Variants in APOBEC1 observed in about 807,000 individuals in gnomAD.
APOBEC1 encodes the protein apolipoprotein B mRNA editing enzyme catalytic subunit 1.
In APOBEC1, 22 loss-of-function variants were observed where a neutral mutation model predicts 26.3. The ratio of observed to expected loss-of-function variants is 0.84; its 90% CI spans 0.60 to 1.19. The LOEUF is 1.19. Among genes scored for constraint, APOBEC1 ranks in the 50% most tolerant of loss-of-function variants. APOBEC1 has a pLI of 0.00. For missense variants in APOBEC1, 253 were observed against 289.0 expected (o/e 0.88, Z 0.90); for synonymous variants, 77 against 95.3 (o/e 0.81, Z 1.12).
At chr12:7,669,016 G>C (rs1863924540), upstream of APOBEC1, among the ~76,000 whole-genome samples, 1 of 152,002 alleles carries the variant, frequency 6.6e-6, no homozygotes, top group Non-Finnish European at 1.5e-5. Context: ...ACAGGTGTGA[G>C]CCACCATGCC....
At chr12:7,665,447 G>A (rs895269568) in intron 1 of APOBEC1, among the ~76,000 whole-genome samples, 29 of 151,840 alleles carry the variant, frequency 1.9e-4, no homozygotes, top group African/African-American at 4.8e-4. Context: ...ACAGGCATGC[G>A]CCACCATGCC....
chr12:7,665,943 CA>C (rs1555095835), upstream of APOBEC1: 19 of 1,569,902 alleles, frequency 1.2e-5, no homozygotes, highest in Non-Finnish European at 1.7e-5. Flanking sequence ...TTTGTTGCTT[CA>C]GGTGTGCCCA....
chr12:7,661,711 G>T (rs763300486), intron 1 of APOBEC1, among the ~76,000 whole-genome samples: 20 of 152,272 alleles, frequency 1.3e-4, no homozygotes, highest in Admixed American at 1.0e-3. Context: ...CATTTACAGG[G>T]CAGTCCTGCT....
At position 7,650,998 on chromosome 12, in the gene APOBEC1, C is replaced by T; in HGVS notation, c.561+25G>A. Reference sequence around the variant, plus strand: ...AGAAGGATGCTTCTTTTTGCATCAACATTTGTGTCCCTAAAGTGACTTACT... The same window carrying T: ...AGAAGGATGCTTCTTTTTGCATCAATATTTGTGTCCCTAAAGTGACTTACT... On this transcript the variant is annotated intron_variant, in intron 4 of 4. Transcript: ENST00000229304. The T allele has an allele frequency of 2.0e-6, 3 of 1,516,094 alleles. No homozygotes were observed. In the South Asian group the frequency reaches 3.5e-5, roughly 18 times the overall value. The allele number at this position is 1,516,094 out of a possible 1,614,324, so 93.9% of individuals were successfully genotyped here. A position where few individuals can be genotyped will look rare whatever the true frequency, so the allele number is the denominator to read the frequency against.
At chr12:7,659,421 A>G (rs1326586076) in intron 1 of APOBEC1, among the ~76,000 whole-genome samples, 1 of 145,044 alleles carries the variant, frequency 6.9e-6, no homozygotes, top group Non-Finnish European at 1.5e-5. Flanking sequence ...AACCTGGAGT[A>G]CTTGTGACCA....
intron 1 of APOBEC1, among the ~76,000 whole-genome samples, chr12:7,659,542 A>G (rs1028276560): frequency 6.6e-6 from 1 of 151,558 alleles, no homozygotes; most frequent in Non-Finnish European, 1.5e-5. Context: ...GTGCACAGAC[A>G]CGCATGCAAA....
intron 1 of APOBEC1, among the ~76,000 whole-genome samples, chr12:7,662,998 C>T (rs140594412): frequency 5.9e-5 from 9 of 152,148 alleles, no homozygotes; most frequent in African/African-American, 2.2e-4. Context: ...TTTTAGAGAC[C>T]TGCGCCTCTC....
intron 1 of APOBEC1, among the ~76,000 whole-genome samples, chr12:7,661,677 C>T (rs1256001269): frequency 6.6e-6 from 1 of 152,182 alleles, no homozygotes; most frequent in Non-Finnish European, 1.5e-5. Flanking sequence ...CAGGCTCCAA[C>T]TGGAGCCAAG....
chr12:7,649,600 G>A lies in APOBEC1; in HGVS notation c.658C>T (p.Pro220Ser), dbSNP rs146544434. 18 of 1,614,048 alleles carry A rather than the reference G, an allele frequency of 1.1e-5. No homozygotes were observed. The highest frequency in any genetic ancestry group is 1.4e-5 in the Non-Finnish European group (17 of 1,180,032). Residue 220 changes from proline to serine, a missense_variant, in exon 5 of 5, where the codon CCA (proline) becomes TCA (serine). Pro to Ser is a moderately conservative substitution (Grantham distance 74). Coordinates refer to ENST00000229304, the MANE Select transcript of APOBEC1 (RefSeq NM_001644.5). ...LQNCHYQTIP[P>S]HILLATGLIH... Reference sequence around the variant, plus strand: ...AGCCCTGTAGCTAAAAGGATGTGTGGCGGAATCGTTTGGTAATGGCAGTTT... The same window carrying A: ...AGCCCTGTAGCTAAAAGGATGTGTGACGGAATCGTTTGGTAATGGCAGTTT...
chr12:7,665,748 G>T, intron 1 of APOBEC1, 109 bp downstream of exon 1: 1 of 983,464 alleles, frequency 1.0e-6, no homozygotes, highest in Non-Finnish European at 1.5e-6. Context: ...GCAAGAATCA[G>T]CAGGACACAC....
At chr12:7,661,332 A>G (rs1341269158) in intron 1 of APOBEC1, among the ~76,000 whole-genome samples, 2 of 152,100 alleles carry the variant, frequency 1.3e-5, no homozygotes, top group Non-Finnish European at 2.9e-5. Flanking sequence ...TCGGTAGCAG[A>G]GTCAATACAA....
At chr12:7,659,898 G>A (rs1863779095) in intron 1 of APOBEC1, among the ~76,000 whole-genome samples, 1 of 152,120 alleles carries the variant, frequency 6.6e-6, no homozygotes, top group Non-Finnish European at 1.5e-5. Context: ...GAACCTGGAA[G>A]GCAGAGCTTG....
chr12:7,652,881 G>T (rs1489259397), intron 2 of APOBEC1, 46 bp from the exon 3 acceptor site: 1 of 1,385,466 alleles, frequency 7.2e-7, no homozygotes, highest in Non-Finnish European at 9.4e-7. Context: ...CATTTAGAGA[G>T]ATCTTAGAAA....
intron 1 of APOBEC1, 53 bp downstream of exon 1, chr12:7,665,799 ACACAC>A (rs1565444085): frequency 4.4e-6 from 6 of 1,361,930 alleles, no homozygotes; most frequent in Non-Finnish European, 5.2e-6. Context: ...ACACACACAC[ACACAC>A]ACCATTCTTG....
At chr12:7,659,406 C>T (rs1475926302) in intron 1 of APOBEC1, among the ~76,000 whole-genome samples, 3 of 129,358 alleles carry the variant, frequency 2.3e-5, no homozygotes, top group Middle Eastern at 4.9e-3. Context: ...AAAGGAACTA[C>T]CGGCAACCTG....
intron 2 of APOBEC1, among the ~76,000 whole-genome samples, chr12:7,653,525 C>T (rs1208202724): frequency 7.8e-6 from 1 of 128,042 alleles, no homozygotes; most frequent in Non-Finnish European, 1.6e-5. Flanking sequence ...CATGGTCTCT[C>T]TAAGCTGGCC....
chr12:7,650,623 G>T (rs1565438988), intron 4 of APOBEC1, among the ~76,000 whole-genome samples: 1 of 152,044 alleles, frequency 6.6e-6, no homozygotes, highest in East Asian at 1.9e-4. Flanking sequence ...TTATAGAGAG[G>T]GGGTCTCATT....
In APOBEC1 at chr12:7,652,832, T is replaced by C; in HGVS notation, c.48A>G (p.Arg16=). Residue 16 remains arginine (R), a synonymous_variant, in exon 3 of 5, where the codon AGA becomes AGG. Coordinates refer to ENST00000229304, the MANE Select transcript of APOBEC1 (RefSeq NM_001644.5). ...CGTCAAACTCCCAGGGTTCGATTCT[T>C]CTCCTGAAATACAAAAAGCAGCCCA... ...GPSTGDPTLR[R]RIEPWEFDVF... 1 of 1,572,986 alleles carries C rather than the reference T, an allele frequency of 6.4e-7. No individual in the cohort carries two copies. The highest frequency in any genetic ancestry group is 1.2e-5 in the South Asian group (1 of 85,804).
upstream of APOBEC1, among the ~76,000 whole-genome samples, chr12:7,670,341 C>T (rs371662334): frequency 1.4e-5 from 2 of 141,562 alleles, 1 homozygote; most frequent in Non-Finnish European, 3.1e-5. Flanking sequence ...GAGTTTTTTA[C>T]GTATTGTGGA....
Sources: gnomAD v4.1 joint callset for allele counts (sites outside exome capture counted in the v4.1 genomes callset) on GRCh38, gnomAD v4.1.1 for gene constraint, MANE v1.5 for transcripts, NCBI Gene and HGNC (gene_info 2026-07-23, HGNC 2026-07-21) for gene names.